Variants in SRGAP3 observed in about 807,000 individuals in gnomAD.
The protein encoded by SRGAP3 is SLIT-ROBO Rho GTPase-activating protein 3.
In SRGAP3, 39 loss-of-function variants were observed where a neutral mutation model predicts 121.1. The observed-to-expected ratio is 0.32, with a 90% confidence interval of 0.25 to 0.42. SRGAP3 has a LOEUF of 0.42. SRGAP3 is among the 10% of genes least tolerant of loss of function. SRGAP3 has a pLI of 1.00. For synonymous variants in SRGAP3, 601 were observed against 570.0 expected (o/e 1.05, Z -0.77); for missense variants, 1,213 against 1,470.6 (o/e 0.82, Z 2.86).
intron 1 of SRGAP3, among the ~76,000 whole-genome samples, chr3:9,146,328 T>C (rs985462508): frequency 6.6e-6 from 1 of 152,170 alleles, no homozygotes; most frequent in Non-Finnish European, 1.5e-5. Context: ...GACTGCCCAG[T>C]TTAGAGTCCC....
chr3:9,049,130 C>T (rs1225229771), intron 9 of SRGAP3: 2 of 275,828 alleles, frequency 7.3e-6, no homozygotes, highest in South Asian at 4.2e-5. Flanking sequence ...GGCTCAGACA[C>T]CCCCAAGTCA....
intron 3 of SRGAP3, among the ~76,000 whole-genome samples, chr3:9,089,143 C>G (rs991080571): frequency 3.9e-5 from 6 of 152,066 alleles, no homozygotes; most frequent in African/African-American, 4.8e-5. Flanking sequence ...TGCTCTCAAG[C>G]CTCCCAAAGT....
intron 9 of SRGAP3, 129 bp downstream of exon 9, chr3:9,052,898 T>C (rs944341071): frequency 3.6e-6 from 4 of 1,110,292 alleles, no homozygotes; most frequent in Non-Finnish European, 1.3e-6. Flanking sequence ...TTTAAAAGCA[T>C]GGTGATGGAG....
At chr3:9,067,643 T>A (rs2125221817) in intron 4 of SRGAP3, among the ~76,000 whole-genome samples, 2 of 152,316 alleles carry the variant, frequency 1.3e-5, no homozygotes. Flanking sequence ...CTGGGGCCTG[T>A]CAGGGGAGGC....
At chr3:9,347,108 T>G (rs753652178) in intron 1 of SRGAP3, among the ~76,000 whole-genome samples, 4 of 152,088 alleles carry the variant, frequency 2.6e-5, no homozygotes, top group Non-Finnish European at 5.9e-5. Flanking sequence ...AAAAGCAATT[T>G]TGAGGAAAGA....
At chr3:9,142,926 C>A (rs920007480) in intron 1 of SRGAP3, among the ~76,000 whole-genome samples, 1 of 148,972 alleles carries the variant, frequency 6.7e-6, no homozygotes, top group African/African-American at 2.5e-5. Flanking sequence ...CAGCCTTGAC[C>A]TTTCAGGCTC....
chr3:9,030,472 C>T lies in SRGAP3; in HGVS notation c.1539+2178G>A, dbSNP rs1021537988. Among the ~76,000 whole-genome samples, 25 of 152,170 alleles carry T rather than the reference C, an allele frequency of 1.6e-4. 1 individual carries two copies. Among genetic ancestry groups the T allele is most frequent in the Admixed American group, 1.2e-3 (18 of 15,280 alleles). ...TGTCCATTTGAATACATAGTCTTGGCCCCACTGGTAAAGGCCATGCTCCAG... is the reference window on the plus strand; with the variant it reads ...TGTCCATTTGAATACATAGTCTTGGTCCCACTGGTAAAGGCCATGCTCCAG... On this transcript the variant is annotated intron_variant, in intron 12 of 21. Coordinates refer to ENST00000383836, the MANE Select transcript of SRGAP3 (RefSeq NM_014850.4).
chr3:9,047,673 A>G (rs1325808887), intron 9 of SRGAP3, among the ~76,000 whole-genome samples, 198 bp from the exon 10 acceptor site: 1 of 152,206 alleles, frequency 6.6e-6, no homozygotes. Flanking sequence ...TGACAGGCGG[A>G]GGCCAGGCCC....
chr3:9,058,664 T>A (rs1211717127), intron 6 of SRGAP3, 192 bp from the exon 7 acceptor site: 1 of 609,310 alleles, frequency 1.6e-6, no homozygotes, highest in Non-Finnish European at 2.9e-6. Flanking sequence ...CGGTTGAGAT[T>A]TGGGCAATAG....
At chr3:9,015,473 G>T in intron 15 of SRGAP3, 124 bp downstream of exon 15, 1 of 1,258,166 alleles carries the variant, frequency 7.9e-7, no homozygotes, top group Non-Finnish European at 1.1e-6. Context: ...GTTCTACGAG[G>T]ATGCACGTCA....
chr3:9,031,367 G>C (rs1451779304), intron 12 of SRGAP3, among the ~76,000 whole-genome samples: 2 of 152,148 alleles, frequency 1.3e-5, no homozygotes, highest in African/African-American at 2.4e-5. Context: ...CCATGACCCA[G>C]TAAACCACTC....
intron 3 of SRGAP3, among the ~76,000 whole-genome samples, chr3:9,286,582 A>G (rs34294409): frequency 0.21 from 32,412 of 151,790 alleles, 3,777 homozygotes; most frequent in African/African-American, 0.3. Context: ...TAGTCACTTT[A>G]TTTATTTTGT....
rs1177052517 is a variant in SRGAP3 at position 9,056,319 on chromosome 3, C to A, written c.1039G>T (p.Ala347Ser). 1.2e-6 allele frequency: 2 copies of A among 1,613,212 alleles called. No individual in the cohort carries two copies. The highest frequency in any genetic ancestry group is 8.5e-7 in the Non-Finnish European group (1 of 1,179,910). ...HMGDEVCQVS[A>S]QQPVQTELLM... ...AGTTCTGTCTGGACGGGCTGCTGAG[C>A]GCTGACCTGGCAGACCTGCAGGAAT... Residue 347 changes from alanine to serine, a missense_variant, in exon 8 of 22, where the codon GCT becomes TCT. By Grantham distance (99) the Ala-to-Ser change is moderately conservative (BLOSUM62 1). Around this residue, in one of 2 missense-constraint regions of SRGAP3, gnomAD observed 793 missense variants for 1,032.9 expected, o/e 0.77. Transcript: ENST00000383836.
At position 9,027,011 on chromosome 3, in the gene SRGAP3, A is replaced by T; in HGVS notation, c.1540-16T>A. 7 of 1,614,034 alleles carry T rather than the reference A, an allele frequency of 4.3e-6. No homozygotes were observed. Among genetic ancestry groups the T allele is most frequent in the Non-Finnish European group, 5.9e-6 (7 of 1,179,896 alleles). On this transcript the variant is annotated splice_polypyrimidine_tract_variant and intron_variant, in intron 12 of 21. Transcript: ENST00000383836. ...GTCCTGAATCCTTGAGAAAAGAAAA[A>T]TTGTGAGTTTTATGGGGCTTGACAA...
chr3:9,284,856 G>T (rs1180212871), intron 3 of SRGAP3, among the ~76,000 whole-genome samples: 1 of 151,212 alleles, frequency 6.6e-6, no homozygotes, highest in East Asian at 1.9e-4. Context: ...AAAAAAATGG[G>T]TCTGATCTTG....
intron 3 of SRGAP3, among the ~76,000 whole-genome samples, chr3:9,254,749 C>G (rs1342498108): frequency 6.7e-6 from 1 of 149,672 alleles, no homozygotes; most frequent in African/African-American, 2.5e-5. Context: ...TGAGCTGTGA[C>G]TGCAATTGCA....
chr3:9,353,248 A>G (rs954121085), intron 1 of SRGAP3, among the ~76,000 whole-genome samples: 1 of 152,248 alleles, frequency 6.6e-6, no homozygotes, highest in African/African-American at 2.4e-5. Flanking sequence ...GGAGGAGAGA[A>G]TGGAAGTTTC....
intron 1 of SRGAP3, among the ~76,000 whole-genome samples, chr3:9,187,079 A>G (rs151240896): frequency 0.035 from 5,264 of 152,170 alleles, 147 homozygotes; most frequent in Middle Eastern, 0.099. Context: ...CGTCATCTAC[A>G]TTAGGTATTT....
chr3:8,997,648 T>C (rs1942485431), intron 18 of SRGAP3, among the ~76,000 whole-genome samples: 1 of 152,184 alleles, frequency 6.6e-6, no homozygotes, highest in African/African-American at 2.4e-5. Flanking sequence ...TTGATGTTTT[T>C]CCTCCAACAT....
Sources: allele counts gnomAD v4.1 joint callset (sites outside exome capture counted in the v4.1 genomes callset), GRCh38; gene constraint gnomAD v4.1.1; regional missense constraint gnomAD v4.1.1; transcripts MANE v1.5; gene names NCBI Gene and HGNC (gene_info 2026-07-23, HGNC 2026-07-21).